ACSS3: variants seen among roughly 807,000 people sequenced by gnomAD.
ACSS3 encodes the protein acyl-CoA synthetase short-chain family member 3, mitochondrial.
ACSS3 carries 64 observed loss-of-function variants against 84.2 expected under a neutral mutation model. That is an observed-to-expected ratio of 0.76 (90% CI 0.62 to 0.94). ACSS3 has a LOEUF of 0.94. Among genes scored for constraint, ACSS3 ranks in the 40% least tolerant of loss-of-function variants. The pLI, the probability that ACSS3 is intolerant of heterozygous loss-of-function variation, is 0.00. For synonymous variants in ACSS3, 317 were observed against 310.1 expected (o/e 1.02, Z -0.23); for missense variants, 815 against 867.6 (o/e 0.94, Z 0.76).
intron 1 of ACSS3, among the ~76,000 whole-genome samples, chr12:81,081,385 G>A (rs7959125): frequency 0.75 from 114,126 of 152,068 alleles, 44,443 homozygotes; most frequent in Non-Finnish European, 0.86. Flanking sequence ...GTTTATACGT[G>A]ATTGCTTCTC....
At position 81,169,840 on chromosome 12, in the gene ACSS3, A is replaced by G. The variant is rs188392537; in HGVS notation, c.1099-4948A>G. ...TTTTATCACTCTCCTGAAATAAACA[A>G]AACAACTCTCTGCATCACCTATCTG... On this transcript the variant is annotated intron_variant, in intron 7 of 15. Transcript: ENST00000548058. Among the ~76,000 whole-genome samples, 247 of 152,292 alleles carry G rather than the reference A, an allele frequency of 1.6e-3. 1 individual carries two copies. The highest frequency in any genetic ancestry group is 5.6e-3 in the African/African-American group (231 of 41,578).
rs144996668 is a variant in ACSS3 at position 81,239,186 on chromosome 12, C to G, written c.1719+5715C>G. On this transcript the variant is annotated intron_variant, in intron 13 of 15. Transcript: ENST00000548058. ...ACACCTATCTTTCTGTTATTGATTG[C>G]TAGTTTAATTCCATTATTACCTCAG... 2.4e-3 allele frequency among the ~76,000 whole-genome samples: 371 copies of G among 151,740 alleles called. 2 individuals are homozygous for G. Among genetic ancestry groups the G allele is most frequent in the African/African-American group, 8.7e-3 (359 of 41,426 alleles).
At position 81,174,778 on chromosome 12, in the gene ACSS3, C is replaced by A. The variant is rs765226724; in HGVS notation, c.1099-10C>A. ...TTATCCAGTGACATTTTAAATGAAT[C>A]TCATTGTAGGGGAAGCCTGTGGGAA... On this transcript the variant is annotated splice_polypyrimidine_tract_variant and intron_variant, in intron 7 of 15. Coordinates refer to ENST00000548058, the MANE Select transcript of ACSS3 (RefSeq NM_024560.4). 1.5e-5 allele frequency: 24 copies of A among 1,607,454 alleles called. No homozygotes were observed. The highest frequency in any genetic ancestry group is 2.7e-5 in the African/African-American group (2 of 74,782).
intron 1 of ACSS3, among the ~76,000 whole-genome samples, chr12:81,091,116 T>C (rs73357221): frequency 0.06 from 9,065 of 152,106 alleles, 674 homozygotes; most frequent in African/African-American, 0.18. Context: ...AATCTGTGCA[T>C]GTGTAACCTG....
At chr12:81,081,829 G>A (rs941580200) in intron 1 of ACSS3, among the ~76,000 whole-genome samples, 1 of 152,158 alleles carries the variant, frequency 6.6e-6, no homozygotes, top group African/African-American at 2.4e-5. Context: ...AATAACTTAA[G>A]CTTGGCTAAC....
intron 8 of ACSS3, among the ~76,000 whole-genome samples, chr12:81,185,104 A>G (rs1044143436): frequency 3.3e-5 from 5 of 151,994 alleles, no homozygotes; most frequent in African/African-American, 9.6e-5. Context: ...GATACATCAC[A>G]TTAACAGGAT....
At chr12:81,109,083 C>T (rs1231288005) in intron 1 of ACSS3, among the ~76,000 whole-genome samples, 1 of 152,144 alleles carries the variant, frequency 6.6e-6, no homozygotes, top group African/African-American at 2.4e-5. Flanking sequence ...TCACATTTAA[C>T]TGAAATAAAA....
chr12:81,231,003 C>T (rs2033438495), intron 11 of ACSS3, 54 bp from the exon 12 acceptor site: 2 of 1,325,564 alleles, frequency 1.5e-6, no homozygotes, highest in African/African-American at 1.5e-5. Flanking sequence ...TTCTAATCAA[C>T]CTGTCTTTAT....
At chr12:81,125,497 A>T (rs1397329991) in intron 2 of ACSS3, 1 of 152,136 alleles carries the variant, frequency 6.6e-6, no homozygotes, top group African/African-American at 2.4e-5. Flanking sequence ...TAACTTCTAT[A>T]TACCATTCTG....
At chr12:81,235,725 AT>A (rs1297965208) in intron 13 of ACSS3, among the ~76,000 whole-genome samples, 1 of 151,426 alleles carries the variant, frequency 6.6e-6, no homozygotes, top group Non-Finnish European at 1.5e-5. Context: ...TAAGTATTTA[AT>A]TTTTTAGCTA....
At chr12:81,150,732 G>A (rs1341279492) in intron 5 of ACSS3, among the ~76,000 whole-genome samples, 1 of 152,210 alleles carries the variant, frequency 6.6e-6, no homozygotes, top group African/African-American at 2.4e-5. Context: ...TGGCACCTGA[G>A]GAGAGCAGCA....
intron 5 of ACSS3, chr12:81,143,651 A>T (rs967240814): frequency 1.3e-5 from 2 of 152,062 alleles, no homozygotes; most frequent in Non-Finnish European, 2.9e-5. Context: ...TTGAGGTATA[A>T]GTTTCATGCA....
intron 8 of ACSS3, among the ~76,000 whole-genome samples, chr12:81,190,727 G>A (rs1273404099): frequency 1.3e-5 from 2 of 152,026 alleles, no homozygotes; most frequent in African/African-American, 4.8e-5. Context: ...AATGATTTTA[G>A]CGTTTTTTGT....
chr12:81,090,727 C>G (rs1881615254), intron 1 of ACSS3, among the ~76,000 whole-genome samples: 1 of 151,944 alleles, frequency 6.6e-6, no homozygotes, highest in Admixed American at 6.6e-5. Context: ...ATTCATTGAT[C>G]CTTAAGCTGT....
chr12:81,217,045 C>T, intron 10 of ACSS3, 49 bp downstream of exon 10: 1 of 1,471,110 alleles, frequency 6.8e-7, no homozygotes, highest in Non-Finnish European at 9.5e-7. Context: ...TTGGCATTTT[C>T]TTGCATCTAG....
At chr12:81,204,182 T>C (rs2032236828) in intron 9 of ACSS3, among the ~76,000 whole-genome samples, 2 of 152,100 alleles carry the variant, frequency 1.3e-5, no homozygotes, top group Non-Finnish European at 2.9e-5. Flanking sequence ...ATTGTTTTTA[T>C]GAGTAAATGA....
rs1399162970 is a variant in ACSS3, at chr12:81,259,463, A to G, written c.*4541A>G. Reference sequence around the variant, plus strand: ...GATGTAGATGATGTTTATTATTCAAATGACTTAAGCATTTTATTACAATTT... The same window carrying G: ...GATGTAGATGATGTTTATTATTCAAGTGACTTAAGCATTTTATTACAATTT... On this transcript the variant is annotated 3_prime_UTR_variant, in exon 16 of 16. Transcript: ENST00000548058. The G allele has an allele frequency of 7.4e-6, 5 of 675,362 alleles. No homozygotes were observed. Among genetic ancestry groups the G allele is most frequent in the East Asian group, 2.7e-5 (1 of 36,376 alleles). The allele number at this position is 675,362 out of a possible 1,614,324, so 41.8% of individuals were successfully genotyped here.
intron 8 of ACSS3, among the ~76,000 whole-genome samples, chr12:81,181,624 A>G (rs1042171148): frequency 2.0e-5 from 3 of 152,120 alleles, no homozygotes; most frequent in Non-Finnish European, 4.4e-5. Flanking sequence ...AAAATAGTAT[A>G]CAAATAGAAA....
chr12:81,156,958 C>G (rs1448277555), intron 7 of ACSS3, among the ~76,000 whole-genome samples: 1 of 152,072 alleles, frequency 6.6e-6, no homozygotes, highest in Non-Finnish European at 1.5e-5. Flanking sequence ...TTCACAGTCT[C>G]TTTCAGAAAA....
Sources: gnomAD v4.1 joint callset for allele counts (sites outside exome capture counted in the v4.1 genomes callset) on GRCh38, gnomAD v4.1.1 for gene constraint, MANE v1.5 for transcripts, NCBI Gene and HGNC (gene_info 2026-07-23, HGNC 2026-07-21) for gene names.